The following INPP5F variants were observed in gnomAD, a reference collection of about 807,000 sequenced individuals.
INPP5F encodes phosphatidylinositide 4-phosphatase SAC2.
Under a neutral mutation model 137.2 loss-of-function variants are expected in INPP5F, and 97 were observed. The ratio of observed to expected loss-of-function variants is 0.71; its 90% CI spans 0.60 to 0.84. The LOEUF (loss-of-function observed/expected upper bound fraction) is 0.84, where lower values mean the gene tolerates loss of function less well. INPP5F is among the 40% of genes least tolerant of loss of function. INPP5F has a pLI of 0.00. For missense variants in INPP5F, 1,271 were observed against 1,371.9 expected, an observed-to-expected ratio of 0.93 and a Z score of 1.16; for synonymous variants, 504 against 476.9, an observed-to-expected ratio of 1.06 and a Z score of -0.74.
chr10:119,806,138 G>GTT (rs559154491), intron 11 of INPP5F, among the ~76,000 whole-genome samples: 80 of 146,620 alleles, frequency 5.5e-4, no homozygotes, highest in African/African-American at 1.9e-3. Context: ...CTGCACCCCA[G>GTT]TTTTTTTTTT....
chr10:119,796,955 G>A lies in INPP5F; in HGVS notation c.868+42G>A, dbSNP rs370105314. On this transcript the variant is annotated intron_variant, in intron 7 of 19. Coordinates refer to ENST00000650623, the MANE Select transcript of INPP5F (RefSeq NM_014937.4). ...AATAGCATTCAAATCAAATCCAGGC[G>A]AGAATGGAAAAGCTGCAGATGTGTT... The A allele has an allele frequency of 5.2e-6, 8 of 1,540,370 alleles. No individual in the cohort carries two copies. The African/African-American group carries it at 8.2e-5, about 16-fold the overall frequency.
chr10:119,823,759 T>A, intron 18 of INPP5F, 56 bp from the exon 19 acceptor site: 1 of 1,347,598 alleles, frequency 7.4e-7, no homozygotes, highest in Non-Finnish European at 1.1e-6. Flanking sequence ...TTAGAACTGC[T>A]ATTTTTTTTA....
chr10:119,781,624 T>G lies in INPP5F; in HGVS notation c.179-11T>G, dbSNP rs1299395277. On this transcript the variant is annotated splice_polypyrimidine_tract_variant and intron_variant, in intron 2 of 19. Coordinates refer to ENST00000650623, the MANE Select transcript of INPP5F (RefSeq NM_014937.4). ...AAAACGCCAGACTTTATTATGACTC[T>G]CCTCTTTCAGATCTTCCATGGTGGC... 1 of 1,600,204 alleles carries G rather than the reference T, an allele frequency of 6.2e-7. No homozygotes were observed. Among genetic ancestry groups the G allele is most frequent in the Non-Finnish European group, 8.5e-7 (1 of 1,171,312 alleles).
At chr10:119,751,028 T>C (rs1261384323) in intron 1 of INPP5F, 48 bp from the exon 2 acceptor site, 2 of 1,167,546 alleles carry the variant, frequency 1.7e-6, no homozygotes, top group Non-Finnish European at 1.3e-6. Flanking sequence ...TGTTTTAATA[T>C]ATTTTCTGGT....
At chr10:119,751,407 G>A (rs564471914) in intron 2 of INPP5F, among the ~76,000 whole-genome samples, 88 of 152,326 alleles carry the variant, frequency 5.8e-4, no homozygotes, top group Admixed American at 2.4e-3. Flanking sequence ...TGTGGAAGGT[G>A]CCATGAGGGA....
In INPP5F at chr10:119,791,528, G is replaced by A; in HGVS notation, c.327G>A (p.Lys109=). ...PQDLELELCK[K]HHFGINKPEK... is the part of the protein sequence containing the mutation. ...CTCTTCCTATTTAGCTCTGTAAGAA[G>A]CATCATTTTGGTATTAACAAACCAG... Residue 109 remains lysine, a synonymous_variant, in exon 4 of 20, where the codon AAG becomes AAA. Transcript: ENST00000650623. The A allele has an allele frequency of 6.2e-7, 1 of 1,600,098 alleles. No individual in the cohort carries two copies. Among genetic ancestry groups the A allele is most frequent in the Non-Finnish European group, 8.5e-7 (1 of 1,170,162 alleles).
intron 19 of INPP5F, 90 bp downstream of exon 19, chr10:119,823,992 T>A: frequency 1.1e-6 from 1 of 904,958 alleles, no homozygotes; most frequent in Non-Finnish European, 1.8e-6. Flanking sequence ...GGGGAGGAGA[T>A]CACATTATGG....
chr10:119,750,945 A>C, intron 1 of INPP5F, 131 bp from the exon 2 acceptor site: 1 of 664,486 alleles, frequency 1.5e-6, no homozygotes, highest in Non-Finnish European at 2.7e-6. Flanking sequence ...GCTTTATGGT[A>C]ATGTATTCCA....
chr10:119,759,131 G>C (rs980807830), intron 2 of INPP5F, among the ~76,000 whole-genome samples: 6 of 152,156 alleles, frequency 3.9e-5, no homozygotes, highest in African/African-American at 4.8e-5. Context: ...TATTGCTTCT[G>C]CTTAGATATG....
chr10:119,789,740 A>AG (rs1175185012), intron 3 of INPP5F, among the ~76,000 whole-genome samples: 3 of 151,970 alleles, frequency 2.0e-5, no homozygotes, highest in African/African-American at 7.3e-5. Flanking sequence ...GGTTGGCATA[A>AG]GGACAGTATT....
At chr10:119,807,173 T>C (rs1182102095) in intron 12 of INPP5F, among the ~76,000 whole-genome samples, 2 of 152,134 alleles carry the variant, frequency 1.3e-5, no homozygotes, top group African/African-American at 4.8e-5. Flanking sequence ...CTCGGGAGGC[T>C]AAGGCATGAA....
At chr10:119,726,440 C>A in intron 1 of INPP5F, 81 bp downstream of exon 1, 1 of 754,796 alleles carries the variant, frequency 1.3e-6, no homozygotes, top group Non-Finnish European at 1.8e-6. Context: ...CTCAGCCGGG[C>A]GGGAGGAGCC....
chr10:119,817,344 G>A (rs1023424313), intron 15 of INPP5F, among the ~76,000 whole-genome samples: 1 of 152,074 alleles, frequency 6.6e-6, no homozygotes, highest in African/African-American at 2.4e-5. Context: ...TAGTTCTTTT[G>A]GGTGGAAATG....
rs1388437101 is a variant in INPP5F, at chr10:119,748,654, G to T, written c.98-2422G>T. ...GGGCAGCTCCCTCCCGCAGCTGGTG[G>T]TCTGGACATCTGTGAGTCTGGCTGA... On this transcript the variant is annotated intron_variant, in intron 1 of 19. Coordinates refer to ENST00000650623, the MANE Select transcript of INPP5F (RefSeq NM_014937.4). The surrounding 1 kb of genome is among the most constrained non-coding windows in gnomAD (Gnocchi z 4.7). 4.6e-5 allele frequency among the ~76,000 whole-genome samples: 7 copies of T among 152,274 alleles called. No homozygotes were observed. In the East Asian group the frequency reaches 1.4e-3, roughly 29 times the overall value.
chr10:119,814,577 C>T (rs1269291148), intron 15 of INPP5F: 2 of 152,132 alleles, frequency 1.3e-5, no homozygotes, highest in African/African-American at 4.8e-5. Context: ...GGAGTTCTTC[C>T]CCAAAAAGCA....
chr10:119,805,790 A>AG (rs1260988746), intron 11 of INPP5F, among the ~76,000 whole-genome samples: 2 of 152,204 alleles, frequency 1.3e-5, no homozygotes, highest in Non-Finnish European at 2.9e-5. Flanking sequence ...AGGAAGTCTT[A>AG]GAGGTACTTT....
At chr10:119,822,964 T>G in intron 17 of INPP5F, 107 bp from the exon 18 acceptor site, 2 of 1,089,726 alleles carry the variant, frequency 1.8e-6, no homozygotes, top group Non-Finnish European at 2.6e-6. Context: ...GTATTTTGTG[T>G]GCTGTCATTT....
intron 6 of INPP5F, among the ~76,000 whole-genome samples, chr10:119,795,835 G>C (rs1034887259): frequency 2.0e-5 from 3 of 152,198 alleles, no homozygotes; most frequent in African/African-American, 7.2e-5. Flanking sequence ...TGGCACCTCG[G>C]GAGGCCAAGG....
At chr10:119,765,763 G>A (rs1849140860) in intron 2 of INPP5F, among the ~76,000 whole-genome samples, 1 of 148,880 alleles carries the variant, frequency 6.7e-6, no homozygotes, top group Non-Finnish European at 1.5e-5. Context: ...GTGTGTGTGT[G>A]TGTGTGTGTG....
Sources: allele counts gnomAD v4.1 joint callset (sites outside exome capture counted in the v4.1 genomes callset), GRCh38; gene constraint gnomAD v4.1.1; non-coding constraint Gnocchi (gnomAD v3.1); transcripts MANE v1.5; gene names NCBI Gene and HGNC (gene_info 2026-07-23, HGNC 2026-07-21).